Variants in SLC71A1 observed in about 807,000 individuals in gnomAD.
SLC71A1 encodes hippocampus abundant gene transcript 1.
At chr1:100,078,354 C>T in the SLC71A1 span, 1 of 777,392 alleles carries the variant, frequency 1.3e-6, no homozygotes, top group Non-Finnish European at 2.1e-6. Flanking sequence ...CTTTTCTCTA[C>T]AGCCATTTCA....
the SLC71A1 span, chr1:100,049,925 C>A: frequency 1.2e-6 from 2 of 1,600,362 alleles, no homozygotes; most frequent in Non-Finnish European, 1.7e-6. Context: ...GGAATAGGTT[C>A]TCCTAGTGTC....
chr1:100,055,934 G>A, the SLC71A1 span, among the ~76,000 whole-genome samples: 3 of 152,118 alleles, frequency 2.0e-5, no homozygotes, highest in South Asian at 4.2e-4. Context: ...TGTATTTTTA[G>A]TAGAGATGGG....
chr1:100,055,652 A>G, the SLC71A1 span, among the ~76,000 whole-genome samples: 2 of 152,132 alleles, frequency 1.3e-5, no homozygotes, highest in African/African-American at 4.8e-5. Flanking sequence ...ATACAGGCAT[A>G]CAGTATGTAA....
At chr1:100,082,641 T>C in the SLC71A1 span, 1 of 155,196 alleles carries the variant, frequency 6.4e-6, no homozygotes, top group East Asian at 1.9e-4. Flanking sequence ...ATTTTAATAT[T>C]GTAAAATCTT....
the SLC71A1 span, among the ~76,000 whole-genome samples, chr1:100,075,897 C>T: frequency 6.6e-6 from 1 of 152,166 alleles, no homozygotes; most frequent in Non-Finnish European, 1.5e-5. Context: ...AGGCTGGTCT[C>T]AAACTCCTGG....
the SLC71A1 span, among the ~76,000 whole-genome samples, chr1:100,048,177 A>T: frequency 6.6e-6 from 1 of 151,492 alleles, no homozygotes. Context: ...AAGCTTATCA[A>T]ATTTGTGGCC....
At chr1:100,067,559 C>T in the SLC71A1 span, among the ~76,000 whole-genome samples, 1 of 152,114 alleles carries the variant, frequency 6.6e-6, no homozygotes, top group African/African-American at 2.4e-5. Context: ...ACCTGTACTC[C>T]CAGCCCTTCG....
chr1:100,077,144 A>ATT, the SLC71A1 span: 1 of 1,066,596 alleles, frequency 9.4e-7, no homozygotes, highest in African/African-American at 1.7e-5. Flanking sequence ...ATTCTGATAA[A>ATT]TCTTTTTTTT....
the SLC71A1 span, among the ~76,000 whole-genome samples, chr1:100,048,824 C>A: frequency 1.2e-4 from 19 of 152,262 alleles, no homozygotes; most frequent in Admixed American, 1.1e-3. Context: ...AAAGACAATA[C>A]AAATGTTTCA....
chr1:100,065,614 T>C, the SLC71A1 span, among the ~76,000 whole-genome samples: 242 of 147,056 alleles, frequency 1.6e-3, 1 homozygote, highest in African/African-American at 5.7e-3. Context: ...TTCCCTTTCC[T>C]TTCCCCTCCC....
At chr1:100,038,873 C>T in the SLC71A1 span, among the ~76,000 whole-genome samples, 1 of 152,256 alleles carries the variant, frequency 6.6e-6, no homozygotes, top group East Asian at 1.9e-4. Context: ...ACAGTAAACC[C>T]TGACCGGAGA....
the SLC71A1 span, among the ~76,000 whole-genome samples, chr1:100,043,983 T>C: frequency 1.3e-5 from 2 of 152,268 alleles, no homozygotes; most frequent in African/African-American, 4.8e-5. Context: ...TTCCATATCT[T>C]TGCAGTTGTG....
chr1:100,083,203 T>C, the SLC71A1 span: 2 of 152,510 alleles, frequency 1.3e-5, no homozygotes, highest in East Asian at 1.9e-4. Context: ...AAGTGTTACT[T>C]TGTAAAAATT....
At chr1:100,061,561 A>G in the SLC71A1 span, among the ~76,000 whole-genome samples, 1 of 152,216 alleles carries the variant, frequency 6.6e-6, no homozygotes, top group East Asian at 1.9e-4. Context: ...AAATCACTTA[A>G]CAGTTCAACA....
chr1:100,066,537 AG>A, the SLC71A1 span, among the ~76,000 whole-genome samples: 3 of 152,094 alleles, frequency 2.0e-5, no homozygotes, highest in African/African-American at 7.2e-5. Context: ...AGCTATTGTT[AG>A]TGTATTTTAT....
At chr1:100,061,908 G>A in the SLC71A1 span, 1 of 1,613,376 alleles carries the variant, frequency 6.2e-7, no homozygotes, top group Non-Finnish European at 8.5e-7. Flanking sequence ...ATACGTAGCA[G>A]ATATAACCCA....
chr1:100,049,898 G>GT, the SLC71A1 span: 4 of 1,487,974 alleles, frequency 2.7e-6, no homozygotes, highest in Non-Finnish European at 2.8e-6. Context: ...AAAAAATCTT[G>GT]TTTTTTATAG....
chr1:100,081,628 A>C, the SLC71A1 span, among the ~76,000 whole-genome samples: 7 of 152,158 alleles, frequency 4.6e-5, no homozygotes, highest in Non-Finnish European at 1.0e-4. Context: ...TGCCTGCCTC[A>C]GCCTCCCAAA....
the SLC71A1 span, among the ~76,000 whole-genome samples, chr1:100,051,316 G>A: frequency 1.3e-5 from 2 of 151,942 alleles, no homozygotes; most frequent in Admixed American, 6.6e-5. Context: ...TCTTGAACCC[G>A]GGAAGTGGAG....
Sources: allele counts gnomAD v4.1 joint callset (sites outside exome capture counted in the v4.1 genomes callset), GRCh38; gene constraint gnomAD v4.1.1; transcripts MANE v1.5; gene names NCBI Gene and HGNC (gene_info 2026-07-23, HGNC 2026-07-21).